Variants in XKR9 observed in about 807,000 individuals in gnomAD.
XKR9 encodes the protein XK related 9, also known as XK-related protein 9.
In XKR9, 32 loss-of-function variants were observed where a neutral mutation model predicts 32.0. That is an observed-to-expected ratio of 1.00 (90% CI 0.76 to 1.34). XKR9 has a LOEUF of 1.34. XKR9 is among the 40% of genes most tolerant of loss of function. The pLI is 0.00. For missense variants in XKR9, 546 were observed against 429.7 expected (o/e 1.27, Z -2.39); for synonymous variants, 168 against 143.4 (o/e 1.17, Z -1.22).
the XKR9 span, among the ~76,000 whole-genome samples, chr8:70,876,911 C>A: frequency 0.54 from 81,548 of 151,744 alleles, 22,847 homozygotes; most frequent in Middle Eastern, 0.61. Context: ...ATAATAATGT[C>A]GTACTGTTTT....
At chr8:71,025,810 A>G in the XKR9 span, among the ~76,000 whole-genome samples, 2 of 152,134 alleles carry the variant, frequency 1.3e-5, no homozygotes, top group Non-Finnish European at 2.9e-5. Flanking sequence ...CCTCTCCTTG[A>G]AGCTAACTCT....
At chr8:70,808,663 T>G in the XKR9 span, among the ~76,000 whole-genome samples, 1 of 152,332 alleles carries the variant, frequency 6.6e-6, no homozygotes, top group African/African-American at 2.4e-5. Flanking sequence ...TGTGCATGAC[T>G]TGGAGGGTCC....
At chr8:71,046,404 G>C in the XKR9 span, among the ~76,000 whole-genome samples, 1 of 152,176 alleles carries the variant, frequency 6.6e-6, no homozygotes, top group Non-Finnish European at 1.5e-5. Flanking sequence ...ATACACTTCA[G>C]CTCTGTGTGG....
downstream of XKR9, among the ~76,000 whole-genome samples, chr8:70,736,295 G>A (rs1377265942): frequency 4.1e-5 from 6 of 147,712 alleles, no homozygotes; most frequent in East Asian, 1.9e-4. Flanking sequence ...CATGTCCTTC[G>A]CCCACTTTTT....
At chr8:70,716,135 A>G (rs936581557) in intron 4 of XKR9, among the ~76,000 whole-genome samples, 1 of 152,068 alleles carries the variant, frequency 6.6e-6, no homozygotes, top group African/African-American at 2.4e-5. Context: ...GAACTAGTAG[A>G]TGTATATAGA....
chr8:70,845,309 G>A, the XKR9 span, among the ~76,000 whole-genome samples: 4 of 152,186 alleles, frequency 2.6e-5, no homozygotes, highest in Non-Finnish European at 5.9e-5. Context: ...TAAAGTCAAT[G>A]CAAAAAGTTG....
the XKR9 span, among the ~76,000 whole-genome samples, chr8:70,836,358 T>C: frequency 2.0e-5 from 3 of 152,186 alleles, no homozygotes; most frequent in Admixed American, 2.0e-4. Context: ...CCTTGCTCCC[T>C]ACCCTGAGGT....
chr8:70,726,757 G>T (rs1246351559), intron 4 of XKR9, among the ~76,000 whole-genome samples: 2 of 152,156 alleles, frequency 1.3e-5, no homozygotes, highest in East Asian at 1.9e-4. Flanking sequence ...CTTTCTGGAG[G>T]GCCAAAGAAC....
the XKR9 span, among the ~76,000 whole-genome samples, chr8:71,005,743 T>C: frequency 2.0e-5 from 3 of 152,170 alleles, no homozygotes; most frequent in African/African-American, 7.2e-5. Context: ...TGATCCTCAT[T>C]GTATGAGTCC....
the XKR9 span, among the ~76,000 whole-genome samples, chr8:70,981,780 G>A: frequency 6.6e-6 from 1 of 152,128 alleles, no homozygotes; most frequent in Non-Finnish European, 1.5e-5. Context: ...TATGCCAGAG[G>A]GAAGATCTAG....
At chr8:71,038,864 GC>G in the XKR9 span, among the ~76,000 whole-genome samples, 8 of 149,242 alleles carry the variant, frequency 5.4e-5, no homozygotes, top group African/African-American at 2.0e-4. Flanking sequence ...GAGTGCAGTG[GC>G]ACAATCTCGG....
At chr8:70,821,423 T>C in the XKR9 span, among the ~76,000 whole-genome samples, 1 of 152,160 alleles carries the variant, frequency 6.6e-6, no homozygotes, top group African/African-American at 2.4e-5. Context: ...ACAATTCTGG[T>C]GTCTGGAGGA....
At chr8:70,775,999 G>C (rs963341043) in intron 2 of XKR9, among the ~76,000 whole-genome samples, 1 of 152,086 alleles carries the variant, frequency 6.6e-6, no homozygotes, top group East Asian at 1.9e-4. Context: ...TCCCATCTCA[G>C]CCTCCCAAAT....
the XKR9 span, among the ~76,000 whole-genome samples, chr8:70,948,833 G>A: frequency 6.6e-6 from 1 of 152,184 alleles, no homozygotes; most frequent in East Asian, 1.9e-4. Flanking sequence ...TAAAAGCTCA[G>A]GACAAAGGGT....
chr8:70,675,115 C>T (rs1265476946), intron 2 of XKR9, among the ~76,000 whole-genome samples: 1 of 152,124 alleles, frequency 6.6e-6, no homozygotes, highest in Non-Finnish European at 1.5e-5. Flanking sequence ...TAAAGAAATA[C>T]TTGAGACTAG....
At chr8:70,728,865 A>T (rs1452989041) in intron 4 of XKR9, among the ~76,000 whole-genome samples, 2 of 152,210 alleles carry the variant, frequency 1.3e-5, no homozygotes, top group Non-Finnish European at 2.9e-5. Flanking sequence ...GGAATCTCGG[A>T]TAAGATATTT....
At chr8:71,030,714 A>G in the XKR9 span, among the ~76,000 whole-genome samples, 1 of 152,222 alleles carries the variant, frequency 6.6e-6, no homozygotes, top group Non-Finnish European at 1.5e-5. Flanking sequence ...GTAGGTGGAC[A>G]TGGAGGAGAA....
chr8:70,723,284 T>G (rs1214054903), intron 4 of XKR9, among the ~76,000 whole-genome samples: 1 of 152,208 alleles, frequency 6.6e-6, no homozygotes, highest in East Asian at 1.9e-4. Context: ...ACCCACCTTC[T>G]GAAGCCTACT....
At chr8:70,820,079 G>A in the XKR9 span, among the ~76,000 whole-genome samples, 4 of 152,106 alleles carry the variant, frequency 2.6e-5, no homozygotes, top group African/African-American at 9.7e-5. Flanking sequence ...AAGCAGGAAG[G>A]TCATTCTCTG....
Sources: gnomAD v4.1 joint callset for allele counts (sites outside exome capture counted in the v4.1 genomes callset) on GRCh38, gnomAD v4.1.1 for gene constraint, MANE v1.5 for transcripts, NCBI Gene and HGNC (gene_info 2026-07-23, HGNC 2026-07-21) for gene names.